The following METTL24 variants were observed in gnomAD, a reference collection of about 807,000 sequenced individuals.
METTL24 encodes the protein methyltransferase like 24.
Under a neutral mutation model 32.7 loss-of-function variants are expected in METTL24, and 29 were observed. The ratio of observed to expected loss-of-function variants is 0.89; its 90% CI spans 0.66 to 1.21. The LOEUF (loss-of-function observed/expected upper bound fraction) is 1.21. Ranked by LOEUF, METTL24 falls within the 50% of genes most tolerant of loss-of-function variation. METTL24 has a pLI of 0.00. For synonymous variants in METTL24, 163 were observed against 179.5 expected (o/e 0.91, Z 0.73); for missense variants, 439 against 468.1 (o/e 0.94, Z 0.57).
At chr6:110,348,961 G>C (rs1462910665) in intron 1 of METTL24, among the ~76,000 whole-genome samples, 1 of 152,172 alleles carries the variant, frequency 6.6e-6, no homozygotes, top group Non-Finnish European at 1.5e-5. Flanking sequence ...ATGGGGTCTT[G>C]TTTTAGTTCA....
chr6:110,307,950 A>C lies in METTL24; in HGVS notation c.557+7392T>G, dbSNP rs143302353. On this transcript the variant is annotated intron_variant, in intron 3 of 4. Coordinates refer to ENST00000338882, the MANE Select transcript of METTL24 (RefSeq NM_001123364.3). ...TAGAAGTAACTGCAAACTTTTCAACATAGAAGGACCATTAAATCTGAGAGC... is the reference window on the plus strand; with the variant it reads ...TAGAAGTAACTGCAAACTTTTCAACCTAGAAGGACCATTAAATCTGAGAGC... Among the ~76,000 whole-genome samples, 1,035 of 152,356 alleles carry C rather than the reference A, an allele frequency of 6.8e-3. 7 individuals are homozygous for C. The highest frequency in any genetic ancestry group is 0.024 in the African/African-American group (1,001 of 41,576).
chr6:110,334,714 G>A lies in METTL24; in HGVS notation c.319-11842C>T, dbSNP rs375085513. Among the ~76,000 whole-genome samples, 13 of 152,296 alleles carry A rather than the reference G, an allele frequency of 8.5e-5. No homozygotes were observed. In the South Asian group the frequency reaches 1.0e-3, roughly 12 times the overall value. Reference sequence around the variant, plus strand: ...AATATGTCATTGGTTGCACGTAACCGTGCAGGTATACATATATGTATTTCT... The same window carrying A: ...AATATGTCATTGGTTGCACGTAACCATGCAGGTATACATATATGTATTTCT... On this transcript the variant is annotated intron_variant, in intron 1 of 4. Coordinates refer to ENST00000338882, the MANE Select transcript of METTL24 (RefSeq NM_001123364.3).
chr6:110,328,324 G>A (rs566838411), intron 1 of METTL24, among the ~76,000 whole-genome samples: 4 of 152,354 alleles, frequency 2.6e-5, no homozygotes, highest in African/African-American at 7.2e-5. Flanking sequence ...ATTGAAAAGT[G>A]AGCAGGCTTC....
In METTL24 at chr6:110,298,991, A is replaced by C. The variant is rs367804743; in HGVS notation, c.717T>G (p.Val239=). The change falls in exon 4 of 5, where the codon GTT becomes GTG. Residue 239 remains valine, a synonymous_variant. Transcript: ENST00000338882. ...SIDWRDPHPA[V]AAQKPHSNTR... ...TGTTGCTATGTGGTTTTTGGGCAGC[A>C]ACAGCTGGATGGGGATCCCGCCAGT... The C allele has an allele frequency of 1.4e-5, 22 of 1,614,100 alleles. No homozygotes were observed. In the African/African-American group the frequency reaches 2.8e-4, roughly 21 times the overall value.
At chr6:110,349,092 C>T (rs1021951446) in intron 1 of METTL24, among the ~76,000 whole-genome samples, 4 of 152,254 alleles carry the variant, frequency 2.6e-5, no homozygotes, top group Non-Finnish European at 4.4e-5. Flanking sequence ...AAACAGCGAA[C>T]GTGAAACATG....
intron 1 of METTL24, among the ~76,000 whole-genome samples, chr6:110,333,452 T>C (rs534949697): frequency 1.8e-4 from 28 of 152,222 alleles, no homozygotes; most frequent in African/African-American, 6.3e-4. Context: ...TTTTATTTTA[T>C]TATATTATTA....
Position 110,333,373 on chromosome 6 carries a change from G to A in METTL24, c.319-10501C>T, listed in dbSNP as rs567338351. Among the ~76,000 whole-genome samples the A allele has an allele frequency of 1.0e-3, 155 of 152,244 alleles. 2 individuals carry two copies. Among genetic ancestry groups the A allele is most frequent in the Middle Eastern group, 3.4e-3 (1 of 294 alleles). On this transcript the variant is annotated intron_variant, in intron 1 of 4. Coordinates refer to ENST00000338882, the MANE Select transcript of METTL24 (RefSeq NM_001123364.3). ...TTAATGCTTCCTGCCTTGAAATTTTGTCTGTCGATATTTGTAAACCGTGTT... is the reference window on the plus strand; with the variant it reads ...TTAATGCTTCCTGCCTTGAAATTTTATCTGTCGATATTTGTAAACCGTGTT...
intron 3 of METTL24, among the ~76,000 whole-genome samples, chr6:110,311,021 G>C (rs1012004660): frequency 6.6e-6 from 1 of 152,132 alleles, no homozygotes; most frequent in African/African-American, 2.4e-5. Flanking sequence ...TGTATGGAGG[G>C]CCACAGAATT....
chr6:110,258,372 A>G (rs1228787910), intron 4 of METTL24, among the ~76,000 whole-genome samples: 1 of 152,228 alleles, frequency 6.6e-6, no homozygotes, highest in Non-Finnish European at 1.5e-5. Context: ...CTTCAACTGC[A>G]TTTACATCTG....
intron 4 of METTL24, among the ~76,000 whole-genome samples, chr6:110,283,204 G>A (rs1395612793): frequency 6.6e-6 from 1 of 151,962 alleles, no homozygotes; most frequent in African/African-American, 2.4e-5. Context: ...TTCCTAACAA[G>A]ACTACACTTT....
At chr6:110,357,866 G>T in intron 1 of METTL24, 89 bp downstream of exon 1, 1 of 678,722 alleles carries the variant, frequency 1.5e-6, no homozygotes, top group Non-Finnish European at 1.9e-6. Context: ...CCATCGAGGC[G>T]GCCTGCGGGA....
At chr6:110,267,446 T>C (rs975010045) in intron 4 of METTL24, among the ~76,000 whole-genome samples, 6 of 152,242 alleles carry the variant, frequency 3.9e-5, no homozygotes, top group South Asian at 2.1e-4. Flanking sequence ...AGATATCAGA[T>C]ATAGATTAGA....
At chr6:110,275,068 G>A (rs1188018736) in intron 4 of METTL24, among the ~76,000 whole-genome samples, 1 of 151,654 alleles carries the variant, frequency 6.6e-6, no homozygotes, top group East Asian at 2.0e-4. Flanking sequence ...CAAAGTGCCA[G>A]GATTACAGGT....
Position 110,315,362 on chromosome 6 carries a change from CTGCT to C in METTL24, c.533_536del (p.Lys178SerfsTer7). ...CTCACCCTAAGGAGTAGAGGCGGCACTGCTTGTTGCGGATTTGATGAGCTAAATT... is the reference window on the plus strand; with the variant it reads ...CTCACCCTAAGGAGTAGAGGCGGCACTGTTGCGGATTTGATGAGCTAAATT... On this transcript the variant is annotated frameshift_variant, in exon 3 of 5. Transcript: ENST00000338882. LOFTEE classifies it high-confidence loss of function. 1 of 1,614,186 alleles carries C rather than the reference CTGCT, an allele frequency of 6.2e-7. No individual in the cohort carries two copies. The highest frequency in any genetic ancestry group is 8.5e-7 in the Non-Finnish European group (1 of 1,180,030).
At chr6:110,289,279 T>C (rs1293742233) in intron 4 of METTL24, among the ~76,000 whole-genome samples, 2 of 152,202 alleles carry the variant, frequency 1.3e-5, no homozygotes, top group African/African-American at 2.4e-5. Flanking sequence ...TGTTACTTCA[T>C]TCCAAGACTA....
intron 1 of METTL24, among the ~76,000 whole-genome samples, chr6:110,341,226 GTGTTAAACAGGCTC>G (rs1298823866): frequency 6.6e-6 from 1 of 152,200 alleles, no homozygotes; most frequent in Admixed American, 6.5e-5. Context: ...AATGTTGTAT[GTGTTAAACAGGCTC>G]CAATCTGTGC....
intron 4 of METTL24, among the ~76,000 whole-genome samples, chr6:110,269,916 C>T (rs559800978): frequency 6.6e-6 from 1 of 152,028 alleles, no homozygotes; most frequent in South Asian, 2.1e-4. Context: ...CCTCTCTGAC[C>T]GCCCTAAATT....
At chr6:110,271,020 C>CT (rs563616542) in intron 4 of METTL24, among the ~76,000 whole-genome samples, 467 of 143,256 alleles carry the variant, frequency 3.3e-3, no homozygotes, top group African/African-American at 8.1e-3. Context: ...TTCTATTTTT[C>CT]TTTTTTTTTT....
chr6:110,247,463 A>C (rs1251690911), intron 4 of METTL24, among the ~76,000 whole-genome samples: 4 of 152,358 alleles, frequency 2.6e-5, no homozygotes, highest in Admixed American at 2.6e-4. Flanking sequence ...ATAAGGTGCT[A>C]TCTGGAGAGC....
Sources: gnomAD v4.1 joint callset for allele counts (sites outside exome capture counted in the v4.1 genomes callset) on GRCh38, gnomAD v4.1.1 for gene constraint, MANE v1.5 for transcripts, NCBI Gene and HGNC (gene_info 2026-07-23, HGNC 2026-07-21) for gene names.